SLC1A1: variants seen among roughly 807,000 people sequenced by gnomAD.
The protein encoded by SLC1A1 is solute carrier family 1 member 1.
A neutral mutation model predicts 53.3 loss-of-function variants in SLC1A1; 43 were observed. That is an observed-to-expected ratio of 0.81 (90% CI 0.63 to 1.04). SLC1A1 has a LOEUF of 1.04. Ranked by LOEUF, SLC1A1 falls within the 50% of genes least tolerant of loss-of-function variation. SLC1A1 has a pLI of 0.00. For missense variants in SLC1A1, 748 were observed against 664.9 expected (o/e 1.12, Z -1.37); for synonymous variants, 307 against 243.2 (o/e 1.26, Z -2.44).
intron 1 of SLC1A1, among the ~76,000 whole-genome samples, chr9:4,531,615 A>C (rs1430207446): frequency 1.3e-5 from 2 of 151,982 alleles, no homozygotes; most frequent in Non-Finnish European, 2.9e-5. Flanking sequence ...GCCTCTGTAC[A>C]CTCCACCTCT....
intron 1 of SLC1A1, among the ~76,000 whole-genome samples, chr9:4,491,275 G>A (rs1302019779): frequency 6.6e-6 from 1 of 152,176 alleles, no homozygotes; most frequent in African/African-American, 2.4e-5. Flanking sequence ...GGCTGAGAAC[G>A]CTGTCGCCGC....
intron 8 of SLC1A1, 52 bp downstream of exon 8, chr9:4,574,066 G>T (rs1231272689): frequency 2.4e-6 from 3 of 1,229,252 alleles, no homozygotes; most frequent in African/African-American, 3.0e-5. Flanking sequence ...CTAATAGGAT[G>T]GCCGCTGAGA....
At chr9:4,559,906 G>C (rs951926202) in intron 2 of SLC1A1, 1 of 152,104 alleles carries the variant, frequency 6.6e-6, no homozygotes, top group African/African-American at 2.4e-5. Flanking sequence ...TTTTGACTCC[G>C]TTTATATGAG....
At chr9:4,534,184 G>T (rs1323915613) in intron 1 of SLC1A1, among the ~76,000 whole-genome samples, 2 of 152,116 alleles carry the variant, frequency 1.3e-5, no homozygotes, top group East Asian at 3.9e-4. Context: ...TCAAAAGCTA[G>T]CAGAAGGCAA....
chr9:4,579,693 T>C (rs1258969850), intron 10 of SLC1A1, among the ~76,000 whole-genome samples: 1 of 152,184 alleles, frequency 6.6e-6, no homozygotes, highest in South Asian at 2.1e-4. Flanking sequence ...ACATGGAAAA[T>C]AATAAAAGTT....
At chr9:4,526,544 C>A (rs1278026034) in intron 1 of SLC1A1, among the ~76,000 whole-genome samples, 1 of 152,018 alleles carries the variant, frequency 6.6e-6, no homozygotes, top group East Asian at 1.9e-4. Context: ...ATGCAATGGA[C>A]CCTCAACCAT....
At chr9:4,558,448 G>T (rs1344569141) in intron 2 of SLC1A1, among the ~76,000 whole-genome samples, 1 of 152,182 alleles carries the variant, frequency 6.6e-6, no homozygotes, top group African/African-American at 2.4e-5. Context: ...AGAGGAATGG[G>T]AAACAAAGAC....
chr9:4,496,473 G>A lies in SLC1A1; in HGVS notation c.91+5703G>A, dbSNP rs145603392. ...GGCTTCAAGCTGTCCTCCTGCCTCAGCCTCCCAAAGTGCTAGGATTACAAG... is the reference window on the plus strand; with the variant it reads ...GGCTTCAAGCTGTCCTCCTGCCTCAACCTCCCAAAGTGCTAGGATTACAAG... On this transcript the variant is annotated intron_variant, in intron 1 of 11. Coordinates refer to ENST00000262352, the MANE Select transcript of SLC1A1 (RefSeq NM_004170.6). 5.8e-3 allele frequency among the ~76,000 whole-genome samples: 889 copies of A among 152,152 alleles called. 9 individuals carry two copies. Among genetic ancestry groups the A allele is most frequent in the African/African-American group, 0.019 (809 of 41,516 alleles).
chr9:4,563,431 T>G (rs770306255), intron 3 of SLC1A1, among the ~76,000 whole-genome samples: 67 of 152,202 alleles, frequency 4.4e-4, no homozygotes, highest in Non-Finnish European at 8.7e-4. Flanking sequence ...GTATAGCCCT[T>G]CTACAACCCT....
intron 1 of SLC1A1, among the ~76,000 whole-genome samples, chr9:4,491,673 T>G (rs1434703023): frequency 6.6e-6 from 1 of 152,218 alleles, no homozygotes; most frequent in East Asian, 1.9e-4. Flanking sequence ...GGGATGCACT[T>G]CCTTGGGATT....
chr9:4,537,169 T>C (rs539335881), intron 1 of SLC1A1, among the ~76,000 whole-genome samples: 1 of 152,160 alleles, frequency 6.6e-6, no homozygotes, highest in South Asian at 2.1e-4. Context: ...ATTGTGCACA[T>C]GTACCCTAAA....
At chr9:4,543,995 C>T (rs1010771112) in intron 1 of SLC1A1, among the ~76,000 whole-genome samples, 3 of 151,818 alleles carry the variant, frequency 2.0e-5, no homozygotes, top group South Asian at 2.1e-4. Flanking sequence ...CCTGGGCAAC[C>T]GAATGAAACC....
rs865932933 is a variant in SLC1A1 at position 4,504,166 on chromosome 9, G to A, written c.91+13396G>A. 2.6e-5 allele frequency among the ~76,000 whole-genome samples: 4 copies of A among 152,276 alleles called. No individual in the cohort carries two copies. The South Asian group carries it at 8.3e-4, about 32-fold the overall frequency. On this transcript the variant is annotated intron_variant, in intron 1 of 11. Transcript: ENST00000262352. ...CCACCTGATCTCCAGATAATTCTCT[G>A]GGCTAATTAGAGAAAATGGAAGATC... is the stretch of plus-strand genomic sequence containing the variant.
Position 4,549,864 on chromosome 9 carries a change from C to T in SLC1A1, c.232+5157C>T, listed in dbSNP as rs369488952. Among the ~76,000 whole-genome samples, 42 of 152,296 alleles carry T rather than the reference C, an allele frequency of 2.8e-4. No individual in the cohort carries two copies. The East Asian group carries it at 3.3e-3, about 12-fold the overall frequency. ...CAGGTCAGGCTGGGCCAAGTCCATG[C>T]CAGTTCCTGTGCACATTTCTTCCTC... is the stretch of plus-strand genomic sequence containing the variant. On this transcript the variant is annotated intron_variant, in intron 2 of 11. Transcript: ENST00000262352. This position sits in a 1 kb window ranked among gnomAD's most constrained non-coding sequence, Gnocchi z 4.1.
chr9:4,554,580 G>A (rs562213430), intron 2 of SLC1A1, among the ~76,000 whole-genome samples: 1 of 152,206 alleles, frequency 6.6e-6, no homozygotes, highest in African/African-American at 2.4e-5. Context: ...AAGAGCCTGT[G>A]CAAAGGCCTT....
In SLC1A1 at chr9:4,544,300, CATA is replaced by C. The variant is rs547052471; in HGVS notation, c.92-262_92-260del. Reference sequence around the variant, plus strand: ...CTCACAGTATTCTTTGATATTTTGTCATAATAAGTGTAATTGATAGCGAAGAAA... The same window carrying C: ...CTCACAGTATTCTTTGATATTTTGTCATAAGTGTAATTGATAGCGAAGAAA... On this transcript the variant is annotated intron_variant, in intron 1 of 11. Transcript: ENST00000262352. 6.3e-3 allele frequency among the ~76,000 whole-genome samples: 961 copies of C among 152,214 alleles called. 6 individuals carry two copies. Among genetic ancestry groups the C allele is most frequent in the Middle Eastern group, 0.01 (3 of 294 alleles).
intron 1 of SLC1A1, among the ~76,000 whole-genome samples, chr9:4,540,604 A>G (rs979488761): frequency 2.0e-5 from 3 of 152,216 alleles, no homozygotes; most frequent in African/African-American, 7.2e-5. Context: ...GCTGATGCCC[A>G]GAAGCACTCA....
At position 4,561,362 on chromosome 9, in the gene SLC1A1, T is replaced by G. The variant is rs762179690; in HGVS notation, c.233-87T>G. On this transcript the variant is annotated intron_variant, in intron 2 of 11. Coordinates refer to ENST00000262352, the MANE Select transcript of SLC1A1 (RefSeq NM_004170.6). ...TGTAGATGAGAACGCCTCTCAGCTC[T>G]TTATTTCACAACCTGAGGATTAAAT... 91 of 857,138 alleles carry G rather than the reference T, an allele frequency of 1.1e-4. No homozygotes were observed. The Middle Eastern group carries it at 1.1e-3, about 10-fold the overall frequency. The allele number at this position is 857,138 out of a possible 1,614,324, so 53.1% of individuals were successfully genotyped here. A position where few individuals can be genotyped will look rare whatever the true frequency, so the allele number is the denominator to read the frequency against.
chr9:4,554,955 G>A (rs919014005), intron 2 of SLC1A1, among the ~76,000 whole-genome samples: 7 of 152,292 alleles, frequency 4.6e-5, no homozygotes, highest in Non-Finnish European at 7.4e-5. Context: ...CTGTGTTCTG[G>A]GCACTGTACT....
Sources: allele counts gnomAD v4.1 joint callset (sites outside exome capture counted in the v4.1 genomes callset), GRCh38; gene constraint gnomAD v4.1.1; non-coding constraint Gnocchi (gnomAD v3.1); transcripts MANE v1.5; gene names NCBI Gene and HGNC (gene_info 2026-07-23, HGNC 2026-07-21).